TMEM51: variants seen among roughly 807,000 people sequenced by gnomAD.
The protein encoded by TMEM51 is chromosome 1 open reading frame 72.
A neutral mutation model predicts 13.6 loss-of-function variants in TMEM51; 8 were observed. The ratio of observed to expected loss-of-function variants is 0.59; its 90% CI spans 0.35 to 1.07. The LOEUF (loss-of-function observed/expected upper bound fraction) is 1.07, where lower values mean the gene tolerates loss of function less well. Among genes scored for constraint, TMEM51 ranks in the 50% least tolerant of loss-of-function variants. The pLI is 0.02. For synonymous variants in TMEM51, 147 were observed against 144.4 expected, an observed-to-expected ratio of 1.02 and a Z score of -0.13; for missense variants, 279 against 330.7, an observed-to-expected ratio of 0.84 and a Z score of 1.21.
intron 1 of TMEM51, among the ~76,000 whole-genome samples, chr1:15,178,627 G>C (rs1034073283): frequency 1.3e-5 from 2 of 152,160 alleles, no homozygotes; most frequent in African/African-American, 4.8e-5. Context: ...ATATACTCCA[G>C]TATCGTGAGT....
chr1:15,219,758 G>T lies in TMEM51; in HGVS notation c.*15G>T, dbSNP rs747793439. On this transcript the variant is annotated 3_prime_UTR_variant, in exon 4 of 4. Transcript: ENST00000376008. ...CGCCCGACTGAATGGCCCCACTTGA[G>T]CCACGCTCCCTCCTGTCTCTCACAC... is the stretch of plus-strand genomic sequence containing the variant. 1 of 1,609,866 alleles carries T rather than the reference G, an allele frequency of 6.2e-7. No individual in the cohort carries two copies. The highest frequency in any genetic ancestry group is 8.5e-7 in the Non-Finnish European group (1 of 1,178,086).
At chr1:15,182,110 G>A (rs1235814485) in intron 1 of TMEM51, among the ~76,000 whole-genome samples, 1 of 151,936 alleles carries the variant, frequency 6.6e-6, no homozygotes, top group East Asian at 1.9e-4. Flanking sequence ...GCAGTTAGCC[G>A]AGATTGCGCC....
chr1:15,161,613 G>C lies in TMEM51; in HGVS notation c.-267+7659G>C, dbSNP rs766617225. ...CTTAGTCCATTTGTGTTGCTGTAAA[G>C]AAATACCTGAGATTGGGTAATTTAT... On this transcript the variant is annotated intron_variant, in intron 1 of 3. Coordinates refer to ENST00000376008, the MANE Select transcript of TMEM51 (RefSeq NM_001136218.2). The surrounding 1 kb of genome is among the most constrained non-coding windows in gnomAD (Gnocchi z 4.0). Among the ~76,000 whole-genome samples, 15 of 152,028 alleles carry C rather than the reference G, an allele frequency of 9.9e-5. No homozygotes were observed. The highest frequency in any genetic ancestry group is 2.1e-4 in the Non-Finnish European group (14 of 68,030).
chr1:15,219,876 C>A lies in TMEM51; in HGVS notation c.*133C>A, dbSNP rs367667988. The A allele has an allele frequency of 1.0e-6, 1 of 965,600 alleles. No homozygotes were observed. Among genetic ancestry groups the A allele is most frequent in the Non-Finnish European group, 1.5e-6 (1 of 668,218 alleles). 59.8% of individuals were successfully genotyped at this position (965,600 alleles called of 1,614,324 possible). A position where few individuals can be genotyped will look rare whatever the true frequency, so the allele number is the denominator to read the frequency against. On this transcript the variant is annotated 3_prime_UTR_variant, in exon 4 of 4. Transcript: ENST00000376008. ...ATGGAGCCATTTGGATGGCGGCGGG[C>A]GGGGGGGGATTCTCTGTATCAGGAG... is the stretch of plus-strand genomic sequence containing the variant.
intron 1 of TMEM51, among the ~76,000 whole-genome samples, chr1:15,190,246 G>A (rs1210417801): frequency 2.0e-5 from 3 of 152,168 alleles, no homozygotes; most frequent in Non-Finnish European, 4.4e-5. Flanking sequence ...ACCTCTCTGG[G>A]CTCGAGTGTT....
At chr1:15,195,229 G>A (rs942575706) in intron 1 of TMEM51, among the ~76,000 whole-genome samples, 2 of 152,022 alleles carry the variant, frequency 1.3e-5, no homozygotes, top group Admixed American at 6.6e-5. Context: ...CACTGCACCG[G>A]CCTGCCCCAT....
chr1:15,164,992 G>T (rs374050939), intron 1 of TMEM51, among the ~76,000 whole-genome samples: 1 of 151,968 alleles, frequency 6.6e-6, no homozygotes, highest in Non-Finnish European at 1.5e-5. Flanking sequence ...TAGTAGAGAC[G>T]AGGTTTCACC....
At chr1:15,186,660 G>A (rs1273500551) in intron 1 of TMEM51, among the ~76,000 whole-genome samples, 1 of 152,180 alleles carries the variant, frequency 6.6e-6, no homozygotes, top group African/African-American at 2.4e-5. Context: ...AGGCCTGAGG[G>A]GAGTGGCAGG....
chr1:15,169,193 C>T (rs1036574757), intron 1 of TMEM51, among the ~76,000 whole-genome samples: 1 of 152,150 alleles, frequency 6.6e-6, no homozygotes, highest in African/African-American at 2.4e-5. Flanking sequence ...GATTTGAACC[C>T]AGCCAGTCTC....
chr1:15,215,422 A>C lies in TMEM51; in HGVS notation c.335A>C (p.Glu112Ala). 1 of 1,600,428 alleles carries C rather than the reference A, an allele frequency of 6.2e-7. No individual in the cohort carries two copies. The highest frequency in any genetic ancestry group is 1.3e-5 in the African/African-American group (1 of 74,908). The change falls in exon 3 of 4, where the codon GAG (glutamate) becomes GCG (alanine). Residue 112 changes from glutamate (E) to alanine (A), a missense_variant. Glu to Ala is a moderately radical substitution (Grantham distance 107, BLOSUM62 -1). Coordinates refer to ENST00000376008, the MANE Select transcript of TMEM51 (RefSeq NM_001136218.2). ...ACAGGCGCTGGGCCTCACGCCCAGG[A>C]GGAAGACAGGTGAGGCCTGACTGTC... ...HPTGAGPHAQ[E>A]EDSQEEEEED...
chr1:15,205,616 C>A (rs759954378), intron 1 of TMEM51, among the ~76,000 whole-genome samples: 41 of 152,288 alleles, frequency 2.7e-4, no homozygotes, highest in Middle Eastern at 6.8e-3. Flanking sequence ...TAGGATCAGG[C>A]GTACCCTACC....
At chr1:15,191,069 G>A (rs1399224962) in intron 1 of TMEM51, among the ~76,000 whole-genome samples, 1 of 152,240 alleles carries the variant, frequency 6.6e-6, no homozygotes, top group Non-Finnish European at 1.5e-5. Context: ...TTACAGGCGT[G>A]AGCCACTGCT....
At chr1:15,170,314 A>C (rs1643206655) in intron 1 of TMEM51, among the ~76,000 whole-genome samples, 1 of 150,582 alleles carries the variant, frequency 6.6e-6, no homozygotes, top group Non-Finnish European at 1.5e-5. Context: ...GCTGCAGGGC[A>C]AGGTAAAGCT....
chr1:15,211,825 C>T (rs1284411342), intron 2 of TMEM51, among the ~76,000 whole-genome samples: 1 of 29,400 alleles, frequency 3.4e-5, no homozygotes, highest in African/African-American at 8.7e-5. Flanking sequence ...AAGGTGACCC[C>T]CCCCCCCCCC....
At position 15,215,193 on chromosome 1, in the gene TMEM51, G is replaced by A. The variant is rs557693332; in HGVS notation, c.106G>A (p.Gly36Ser). The change falls in exon 3 of 4, where the codon GGC becomes AGC. Residue 36 changes from glycine (G) to serine (S), a missense_variant. Coordinates refer to ENST00000376008, the MANE Select transcript of TMEM51 (RefSeq NM_001136218.2). ...VIMAMWNLVP[G>S]FSAAEKPTAQ... ...CATGGCCATGTGGAACCTGGTACCC[G>A]GCTTCAGCGCGGCCGAGAAGCCAAC... 6.0e-5 allele frequency: 97 copies of A among 1,614,216 alleles called. 1 individual carries two copies. The East Asian group carries it at 1.7e-3, about 28-fold the overall frequency.
intron 1 of TMEM51, among the ~76,000 whole-genome samples, chr1:15,181,653 G>A (rs561312562): frequency 3.3e-5 from 5 of 152,220 alleles, no homozygotes; most frequent in African/African-American, 9.7e-5. Context: ...GCAGGTTCTC[G>A]ACCAGACGGG....
chr1:15,171,396 GCCGGGGACCAGGGGCATCGCCACCTGGC>G, intron 1 of TMEM51: 1 of 1,197,592 alleles, frequency 8.4e-7, no homozygotes, highest in African/African-American at 1.6e-5. Flanking sequence ...TGGAAGAGTT[GCCGGGGACCAGGGGCATCGCCACCTGGC>G]CCTGGGTACA....
chr1:15,193,571 C>CTTTT (rs1392623062), intron 1 of TMEM51, among the ~76,000 whole-genome samples: 123 of 80,552 alleles, frequency 1.5e-3, no homozygotes, highest in Middle Eastern at 8.1e-3. Flanking sequence ...TCTTTTCTTT[C>CTTTT]TTTCTTTTTT....
chr1:15,215,955 G>A (rs1373691303), intron 3 of TMEM51, among the ~76,000 whole-genome samples: 1 of 152,098 alleles, frequency 6.6e-6, no homozygotes, highest in Non-Finnish European at 1.5e-5. Flanking sequence ...TGAACCCAGG[G>A]GAGTGGAGAT....
Sources: allele counts gnomAD v4.1 joint callset (sites outside exome capture counted in the v4.1 genomes callset), GRCh38; gene constraint gnomAD v4.1.1; non-coding constraint Gnocchi (gnomAD v3.1); transcripts MANE v1.5; gene names NCBI Gene and HGNC (gene_info 2026-07-23, HGNC 2026-07-21).